Variants in LIMS4 observed in about 807,000 individuals in gnomAD.
LIMS4 encodes LIM and senescent cell antigen-like-containing domain protein 4.
At chr2:110,425,121 T>C in the LIMS4 span, among the ~76,000 whole-genome samples, 238 of 141,596 alleles carry the variant, frequency 1.7e-3, no homozygotes, top group African/African-American at 6.5e-3. Context: ...GGCTTCATTC[T>C]CGAAGACCAG....
the LIMS4 span, among the ~76,000 whole-genome samples, chr2:110,372,409 GAGA>G: frequency 7.4e-6 from 1 of 135,618 alleles, no homozygotes; most frequent in Non-Finnish European, 1.5e-5. Flanking sequence ...ACCTCAGCGA[GAGA>G]AGCAGAAAAT....
chr2:110,424,507 G>A, the LIMS4 span, among the ~76,000 whole-genome samples: 3 of 142,796 alleles, frequency 2.1e-5, no homozygotes, highest in East Asian at 2.0e-4. Context: ...GCCCTGGCGG[G>A]CAAAGCAGGT....
the LIMS4 span, chr2:110,362,597 TG>T: frequency 1.4e-6 from 2 of 1,405,872 alleles, no homozygotes; most frequent in African/African-American, 2.9e-5. Flanking sequence ...GTCATAGTGC[TG>T]GGTCAGACTC....
the LIMS4 span, among the ~76,000 whole-genome samples, chr2:110,366,910 G>A: frequency 6.7e-6 from 1 of 150,088 alleles, no homozygotes. Context: ...TCCAAGCTGA[G>A]TGCCAAATCA....
At chr2:110,361,791 T>C in the LIMS4 span, 1 of 755,792 alleles carries the variant, frequency 1.3e-6, no homozygotes, top group Non-Finnish European at 2.3e-6. Flanking sequence ...CACTTATATA[T>C]TATTTTTGAT....
chr2:110,374,384 C>CCCA, the LIMS4 span, among the ~76,000 whole-genome samples: 2 of 117,562 alleles, frequency 1.7e-5, no homozygotes, highest in Non-Finnish European at 3.2e-5. Context: ...ACCTGGTACT[C>CCCA]CCACCTGCAC....
the LIMS4 span, among the ~76,000 whole-genome samples, chr2:110,392,436 CAAAAAAAAA>C: frequency 7.6e-6 from 1 of 131,688 alleles, no homozygotes; most frequent in Non-Finnish European, 1.6e-5. Context: ...GAGTCCGTCT[CAAAAAAAAA>C]AAAAGAAAGA....
the LIMS4 span, among the ~76,000 whole-genome samples, chr2:110,366,948 C>A: frequency 3.0e-5 from 3 of 99,390 alleles, no homozygotes; most frequent in Admixed American, 1.2e-4. Context: ...ACAATAGACA[C>A]ACACACACAC....
chr2:110,424,866 C>T, the LIMS4 span, among the ~76,000 whole-genome samples: 2 of 142,464 alleles, frequency 1.4e-5, no homozygotes, highest in East Asian at 2.0e-4. Flanking sequence ...CACCAATCAG[C>T]GGTATTCTAA....
the LIMS4 span, among the ~76,000 whole-genome samples, chr2:110,425,383 T>G: frequency 1.4e-5 from 2 of 140,204 alleles, no homozygotes; most frequent in East Asian, 2.0e-4. Context: ...TCTCTAAACA[T>G]AAAAAATTAA....
the LIMS4 span, among the ~76,000 whole-genome samples, chr2:110,390,258 G>A: frequency 7.0e-6 from 1 of 142,110 alleles, no homozygotes; most frequent in Non-Finnish European, 1.5e-5. Context: ...ACTTGGAGCA[G>A]CAGAGCATGG....
At chr2:110,392,262 C>G in the LIMS4 span, among the ~76,000 whole-genome samples, 1 of 150,606 alleles carries the variant, frequency 6.6e-6, no homozygotes, top group Admixed American at 6.6e-5. Context: ...ACTTGCAGTA[C>G]CCCGTCTCTA....
At chr2:110,456,639 AT>A (rs1279564304) in intron 3 of LIMS4, among the ~76,000 whole-genome samples, 4 of 148,830 alleles carry the variant, frequency 2.7e-5, no homozygotes, top group Non-Finnish European at 6.0e-5. Flanking sequence ...ACTAAAAACC[AT>A]TTTTACCATC....
the LIMS4 span, among the ~76,000 whole-genome samples, chr2:110,366,463 CA>C: frequency 6.6e-6 from 1 of 151,764 alleles, no homozygotes; most frequent in South Asian, 2.1e-4. Flanking sequence ...TCAATAGATG[CA>C]AAAAAGACTT....
At chr2:110,371,900 A>G in the LIMS4 span, among the ~76,000 whole-genome samples, 1 of 150,910 alleles carries the variant, frequency 6.6e-6, no homozygotes, top group Non-Finnish European at 1.5e-5. Flanking sequence ...CTGGCTGCCT[A>G]AGCAGGTGGC....
At chr2:110,389,962 A>C in the LIMS4 span, among the ~76,000 whole-genome samples, 1 of 135,166 alleles carries the variant, frequency 7.4e-6, no homozygotes, top group Non-Finnish European at 1.5e-5. Flanking sequence ...CCTCCACGGC[A>C]GTCAGGGGAA....
the LIMS4 span, chr2:110,361,857 C>A: frequency 1.5e-5 from 15 of 990,342 alleles, no homozygotes; most frequent in Non-Finnish European, 1.9e-5. Context: ...GTGCTTGGGG[C>A]AGACTTAAAC....
chr2:110,390,069 C>G, the LIMS4 span, among the ~76,000 whole-genome samples: 1 of 131,490 alleles, frequency 7.6e-6, no homozygotes, highest in Non-Finnish European at 1.6e-5. Flanking sequence ...ACCTCAGTTT[C>G]CTTCCCTACA....
At chr2:110,424,877 AAGT>A in the LIMS4 span, among the ~76,000 whole-genome samples, 1 of 142,874 alleles carries the variant, frequency 7.0e-6, no homozygotes. Context: ...GGTATTCTAA[AAGT>A]AGCCAATTGC....
Sources: allele counts gnomAD v4.1 joint callset (sites outside exome capture counted in the v4.1 genomes callset), GRCh38; gene constraint gnomAD v4.1.1; transcripts MANE v1.5; gene names NCBI Gene and HGNC (gene_info 2026-07-23, HGNC 2026-07-21).